The following RGS17 variants were observed in gnomAD, a reference collection of about 807,000 sequenced individuals.
RGS17 encodes the protein regulator of G-protein signaling 17.
RGS17 carries 12 observed loss-of-function variants against 25.5 expected under a neutral mutation model. The observed-to-expected ratio is 0.47, with a 90% CI of 0.30 to 0.76. RGS17 has a LOEUF of 0.76. Among genes scored for constraint, RGS17 ranks in the 30% least tolerant of loss-of-function variants. The pLI is 0.07. For missense variants in RGS17, 196 were observed against 242.2 expected, an observed-to-expected ratio of 0.81 and a Z score of 1.27; for synonymous variants, 71 against 76.9, an observed-to-expected ratio of 0.92 and a Z score of 0.40.
At position 153,020,105 on chromosome 6, in the gene RGS17, A is replaced by ATATAT. The variant is rs1469690646; in HGVS notation, c.444+4156_444+4157insATATA. Among the ~76,000 whole-genome samples, 9 of 23,372 alleles carry ATATAT rather than the reference A, an allele frequency of 3.9e-4. No individual in the cohort carries two copies. The East Asian group carries it at 4.6e-3, about 12-fold the overall frequency. The allele number at this position is 23,372 out of a possible 152,430, so 15.3% of individuals were successfully genotyped here. A position where few individuals can be genotyped will look rare whatever the true frequency, so the allele number is the denominator to read the frequency against. ...CCTCCTAATTGCAAATATCTTAAAAAAAAAAAATATATATATATATATATA... is the reference window on the plus strand; with the variant it reads ...CCTCCTAATTGCAAATATCTTAAAAATATATAAAAAAATATATATATATATATATA... On this transcript the variant is annotated intron_variant, in intron 4 of 4. Coordinates refer to ENST00000206262, the MANE Select transcript of RGS17 (RefSeq NM_012419.5).
intron 4 of RGS17, 83 bp downstream of exon 4, chr6:153,024,179 T>C: frequency 1.2e-6 from 1 of 855,008 alleles, no homozygotes; most frequent in South Asian, 1.6e-5. Flanking sequence ...CCACACCCCA[T>C]GCCCTACCCA....
chr6:153,031,095 T>C (rs1381277497), intron 2 of RGS17, among the ~76,000 whole-genome samples: 2 of 152,126 alleles, frequency 1.3e-5, no homozygotes, highest in African/African-American at 2.4e-5. Flanking sequence ...AATGGACATA[T>C]CAGATGTTGC....
intron 1 of RGS17, among the ~76,000 whole-genome samples, chr6:153,095,005 A>G (rs1011912658): frequency 6.6e-6 from 1 of 152,178 alleles, no homozygotes; most frequent in Non-Finnish European, 1.5e-5. Flanking sequence ...AAAAACAAAA[A>G]TATTAATAAT....
intron 3 of RGS17, 92 bp from the exon 4 acceptor site, chr6:153,024,588 C>T: frequency 1.1e-6 from 1 of 928,328 alleles, no homozygotes; most frequent in Non-Finnish European, 1.7e-6. Context: ...GAAATTCTAT[C>T]AATTTGCTGC....
chr6:153,025,683 T>C (rs1397272653), intron 3 of RGS17, among the ~76,000 whole-genome samples: 2 of 134,492 alleles, frequency 1.5e-5, no homozygotes, highest in African/African-American at 5.6e-5. Context: ...AACATATATA[T>C]AAACATATAT....
chr6:153,024,964 G>T (rs1779284511), intron 3 of RGS17, among the ~76,000 whole-genome samples: 1 of 151,048 alleles, frequency 6.6e-6, no homozygotes, highest in African/African-American at 2.4e-5. Context: ...TCTGTCACTT[G>T]ATTTAAAATA....
In RGS17 at chr6:153,007,805, G is replaced by A. The variant is rs1779092796; in HGVS notation, c.*3769C>T. 6.6e-6 allele frequency: 1 copy of A among 152,114 alleles called. No homozygotes were observed. The highest frequency in any genetic ancestry group is 6.6e-5 in the Admixed American group (1 of 15,258). The allele number at this position is 152,114 out of a possible 1,614,324, so 9.4% of individuals were successfully genotyped here. A position where few individuals can be genotyped will look rare whatever the true frequency, so the allele number is the denominator to read the frequency against. On this transcript the variant is annotated 3_prime_UTR_variant, in exon 5 of 5. Transcript: ENST00000206262. Reference sequence around the variant, plus strand: ...GGGGTTTCACCATGTTGGCCAGTCTGGTCTCAAACTCCTGAGCTCAAGTGA... The same window carrying A: ...GGGGTTTCACCATGTTGGCCAGTCTAGTCTCAAACTCCTGAGCTCAAGTGA...
chr6:153,086,380 T>C (rs540816629), intron 1 of RGS17, among the ~76,000 whole-genome samples: 2 of 152,348 alleles, frequency 1.3e-5, no homozygotes, highest in South Asian at 4.1e-4. Context: ...ATGACTGATT[T>C]CATTTTTCAC....
rs1199437911 is a variant in RGS17 at position 153,054,092 on chromosome 6, TTA to T, written c.-25-10051_-25-10050del. On this transcript the variant is annotated intron_variant, in intron 1 of 4. Coordinates refer to ENST00000206262, the MANE Select transcript of RGS17 (RefSeq NM_012419.5). The stretch of plus-strand genomic sequence containing the variant: ...CATATATATATACACACAATATTTT[TTA>T]TATATATATATATATATATGTGTAT... Among the ~76,000 whole-genome samples, 22 of 42,090 alleles carry T rather than the reference TTA, an allele frequency of 5.2e-4. 6 individuals are homozygous for T. Among genetic ancestry groups the T allele is most frequent in the South Asian group, 2.2e-3 (2 of 930 alleles). 27.6% of individuals were successfully genotyped at this position (42,090 alleles called of 152,430 possible).
At chr6:153,055,258 A>G (rs1005237774) in intron 1 of RGS17, among the ~76,000 whole-genome samples, 1 of 152,086 alleles carries the variant, frequency 6.6e-6, no homozygotes, top group Non-Finnish European at 1.5e-5. Flanking sequence ...TACAGAAGGG[A>G]AAAATCTGTC....
chr6:153,097,134 G>A (rs1777225066), intron 1 of RGS17, among the ~76,000 whole-genome samples: 1 of 151,986 alleles, frequency 6.6e-6, no homozygotes, highest in Non-Finnish European at 1.5e-5. Context: ...GTTTGTAATT[G>A]CATGAAACAA....
rs143722899 is a variant in RGS17, at chr6:153,024,274, T to C, written c.432A>G (p.Leu144=). ...TCCAGATTTTTACCTCTTTTGGTGATAGTATAGAAATGTAATCTTCATATA... is the reference window on the plus strand; with the variant it reads ...TCCAGATTTTTACCTCTTTTGGTGACAGTATAGAAATGTAATCTTCATATA... ...RMIYEDYISI[L]SPKEVSLDSR... is the part of the protein sequence containing the mutation. The change falls in exon 4 of 5, where the codon CTA becomes CTG. Residue 144 remains leucine, a synonymous_variant. Transcript: ENST00000206262. The C allele has an allele frequency of 5.0e-6, 8 of 1,606,784 alleles. No individual in the cohort carries two copies. Among genetic ancestry groups the C allele is most frequent in the African/African-American group, 4.0e-5 (3 of 74,806 alleles).
intron 1 of RGS17, among the ~76,000 whole-genome samples, chr6:153,056,877 T>C (rs1776568774): frequency 7.2e-6 from 1 of 139,810 alleles, no homozygotes; most frequent in African/African-American, 2.6e-5. Flanking sequence ...TGTGTGTGTG[T>C]GTGTGTTTTC....
chr6:153,112,408 G>A (rs968940543), intron 1 of RGS17, among the ~76,000 whole-genome samples: 6 of 152,124 alleles, frequency 3.9e-5, no homozygotes, highest in Non-Finnish European at 8.8e-5. Flanking sequence ...ACGCCTCCAC[G>A]AAATATGGGA....
At chr6:153,093,949 T>A (rs1309354007) in intron 1 of RGS17, among the ~76,000 whole-genome samples, 2 of 152,180 alleles carry the variant, frequency 1.3e-5, no homozygotes, top group East Asian at 3.9e-4. Context: ...CACAGGATTG[T>A]TCTCGGGCCC....
At chr6:153,035,002 A>T (rs1162955295) in intron 2 of RGS17, among the ~76,000 whole-genome samples, 1 of 152,038 alleles carries the variant, frequency 6.6e-6, no homozygotes, top group Non-Finnish European at 1.5e-5. Flanking sequence ...ATACAAAAAA[A>T]AATTAGCCAG....
chr6:153,048,111 G>A (rs1048385180), intron 1 of RGS17, among the ~76,000 whole-genome samples: 9 of 152,310 alleles, frequency 5.9e-5, no homozygotes, highest in Middle Eastern at 6.8e-3. Flanking sequence ...AATTCAGGAT[G>A]CAAATATCCA....
At chr6:153,015,666 GTT>G (rs1162756201) in intron 4 of RGS17, among the ~76,000 whole-genome samples, 1 of 142,508 alleles carries the variant, frequency 7.0e-6, no homozygotes, top group Admixed American at 7.0e-5. Flanking sequence ...TCTTTTTTTT[GTT>G]TTTTTTTTTT....
chr6:153,029,014 T>C (rs936606533), intron 2 of RGS17, among the ~76,000 whole-genome samples: 52 of 152,214 alleles, frequency 3.4e-4, no homozygotes, highest in African/African-American at 9.7e-4. Context: ...TTCTATCTGT[T>C]TCTGTGATAT....
Sources: allele counts gnomAD v4.1 joint callset (sites outside exome capture counted in the v4.1 genomes callset), GRCh38; gene constraint gnomAD v4.1.1; transcripts MANE v1.5; gene names NCBI Gene and HGNC (gene_info 2026-07-23, HGNC 2026-07-21).